The following MPRIP variants were observed in gnomAD, a reference collection of about 807,000 sequenced individuals.
MPRIP encodes the protein myosin phosphatase Rho interacting protein.
In MPRIP, 59 loss-of-function variants were observed where a neutral mutation model predicts 234.9. The observed-to-expected ratio is 0.25, with a 90% CI of 0.20 to 0.31. The LOEUF (loss-of-function observed/expected upper bound fraction) is 0.31, where lower values mean the gene tolerates loss of function less well. Ranked by LOEUF, MPRIP falls within the 10% of genes least tolerant of loss-of-function variation. MPRIP has a pLI of 1.00. For synonymous variants in MPRIP, 1,144 were observed against 1,263.9 expected (o/e 0.91, Z 2.01); for missense variants, 2,436 against 3,071.0 (o/e 0.79, Z 4.89).
At chr17:17,130,474 A>C (rs1307632659) in intron 4 of MPRIP, among the ~76,000 whole-genome samples, 12 of 151,184 alleles carry the variant, frequency 7.9e-5, no homozygotes, top group African/African-American at 2.9e-4. Context: ...AAATTAAAGA[A>C]ATACCTCTGG....
intron 12 of MPRIP, 44 bp from the exon 13 acceptor site, chr17:17,154,262 C>A: frequency 6.4e-7 from 1 of 1,568,166 alleles, no homozygotes; most frequent in Non-Finnish European, 8.8e-7. Context: ...GCAGCAGGCA[C>A]CCTAGGGGAC....
chr17:17,114,491 C>T (rs1469742190), intron 3 of MPRIP, among the ~76,000 whole-genome samples: 9 of 152,052 alleles, frequency 5.9e-5, no homozygotes, highest in Non-Finnish European at 1.2e-4. Flanking sequence ...TTGCTAAATC[C>T]AGTGTTACAG....
intron 1 of MPRIP, among the ~76,000 whole-genome samples, chr17:17,047,119 T>C (rs2088378150): frequency 6.6e-6 from 1 of 152,214 alleles, no homozygotes; most frequent in Non-Finnish European, 1.5e-5. Flanking sequence ...AGGCAGAGGT[T>C]GCATTGAGCC....
At chr17:17,068,343 T>A (rs1024632244) in intron 1 of MPRIP, among the ~76,000 whole-genome samples, 3 of 151,218 alleles carry the variant, frequency 2.0e-5, no homozygotes, top group Admixed American at 6.6e-5. Context: ...AGAGACGGGG[T>A]TTCTTCATGT....
chr17:17,111,955 G>C (rs1049021336), intron 3 of MPRIP, among the ~76,000 whole-genome samples: 1 of 152,090 alleles, frequency 6.6e-6, no homozygotes. Context: ...AAGGGCAACC[G>C]TCCAGGCCAG....
chr17:17,184,775 G>C, intron 23 of MPRIP, 48 bp from the exon 24 acceptor site: 2 of 1,445,924 alleles, frequency 1.4e-6, no homozygotes, highest in Non-Finnish European at 1.9e-6. Flanking sequence ...CCAGTGCAGG[G>C]GGTCTAACGG....
At chr17:17,152,037 G>A (rs2045613592) in intron 12 of MPRIP, among the ~76,000 whole-genome samples, 2 of 152,262 alleles carry the variant, frequency 1.3e-5, no homozygotes, top group Non-Finnish European at 2.9e-5. Flanking sequence ...GGAGACTGAA[G>A]TATAGACCCA....
At chr17:17,087,871 C>T (rs527763830) in intron 3 of MPRIP, among the ~76,000 whole-genome samples, 1 of 152,216 alleles carries the variant, frequency 6.6e-6, no homozygotes, top group African/African-American at 2.4e-5. Context: ...ATTTGGTGAC[C>T]TCAGGTGCCC....
Position 17,078,001 on chromosome 17 carries a change from T to C in MPRIP, c.202-10T>C. ...ATCCTCCTAACCACCCACCTTGTGC[T>C]CCGTTGCAGAAATGGCAGCGACGGT... On this transcript the variant is annotated splice_polypyrimidine_tract_variant and intron_variant, in intron 2 of 23. Transcript: ENST00000651222. The surrounding 1 kb of genome is among the most constrained non-coding windows in gnomAD (Gnocchi z 4.3). The C allele has an allele frequency of 6.2e-7, 1 of 1,614,042 alleles. No homozygotes were observed. The highest frequency in any genetic ancestry group is 8.5e-7 in the Non-Finnish European group (1 of 1,179,980).
intron 14 of MPRIP, among the ~76,000 whole-genome samples, chr17:17,159,734 T>TA (rs781394412): frequency 1.1e-4 from 17 of 152,232 alleles, no homozygotes; most frequent in Non-Finnish European, 1.9e-4. Context: ...GGTGTAGCGT[T>TA]ACAGTTTTTG....
chr17:17,075,268 T>A (rs4074611), intron 1 of MPRIP, among the ~76,000 whole-genome samples: 10,456 of 152,290 alleles, frequency 0.069, 503 homozygotes, highest in East Asian at 0.17. Flanking sequence ...CAGAGCTGGC[T>A]TTGATCACGA....
chr17:17,132,759 TG>T (rs201620385), intron 5 of MPRIP, among the ~76,000 whole-genome samples: 3,455 of 152,254 alleles, frequency 0.023, 105 homozygotes, highest in Middle Eastern at 0.085. Context: ...GGGAGGCAGG[TG>T]GGGGACACCC....
chr17:17,065,097 G>A (rs1377767621), intron 1 of MPRIP, among the ~76,000 whole-genome samples: 1 of 151,996 alleles, frequency 6.6e-6, no homozygotes, highest in Non-Finnish European at 1.5e-5. Context: ...AAGTCTTCTC[G>A]TGTCTTTTGC....
At chr17:17,095,807 C>T (rs935815729) in intron 3 of MPRIP, among the ~76,000 whole-genome samples, 1 of 152,170 alleles carries the variant, frequency 6.6e-6, no homozygotes, top group African/African-American at 2.4e-5. Context: ...CCCCTCTGCC[C>T]CCAGGCCCTG....
chr17:17,102,190 C>T lies in MPRIP; in HGVS notation c.267+24114C>T, dbSNP rs2089976311. ...GGCATGAGCCACCGCACCCAGCCTC[C>T]CTTCCTGTCTTTATGGGCCACTCCT... On this transcript the variant is annotated intron_variant, in intron 3 of 23. Coordinates refer to ENST00000651222, the MANE Select transcript of MPRIP (RefSeq NM_001364716.4). Among the ~76,000 whole-genome samples the T allele has an allele frequency of 1.3e-5, 2 of 152,188 alleles. 1 individual carries two copies. Among genetic ancestry groups the T allele is most frequent in the South Asian group, 4.1e-4 (2 of 4,830 alleles).
At chr17:17,058,657 G>T (rs1011017167) in intron 1 of MPRIP, among the ~76,000 whole-genome samples, 4 of 152,186 alleles carry the variant, frequency 2.6e-5, no homozygotes. Context: ...GCAGAGGTCC[G>T]CATTGTTGAG....
In MPRIP at chr17:17,177,405, C is replaced by T. The variant is rs148956989; in HGVS notation, c.7113C>T (p.Ser2371=). Reference sequence around the variant, plus strand: ...AGTCCCCTGACAGTGCCACGGTGTCCGGATATGGTGCGTCCTCGGGTCATG... The same window carrying T: ...AGTCCCCTGACAGTGCCACGGTGTCTGGATATGGTGCGTCCTCGGGTCATG... ...GEKSPDSATV[S]GYDIMKSKSN... Residue 2371 remains serine, a synonymous_variant, in exon 22 of 24, where the codon TCC becomes TCT. Transcript: ENST00000651222. 87 of 1,613,278 alleles carry T rather than the reference C, an allele frequency of 5.4e-5. No individual in the cohort carries two copies. The African/African-American group carries it at 7.5e-4, about 14-fold the overall frequency.
intron 1 of MPRIP, among the ~76,000 whole-genome samples, chr17:17,060,712 G>A (rs1421198225): frequency 1.3e-5 from 2 of 152,304 alleles, no homozygotes; most frequent in African/African-American, 2.4e-5. Context: ...TTCTCCCTCG[G>A]AGGCTTGGCT....
At chr17:17,172,991 G>A (rs1333686931) in intron 18 of MPRIP, among the ~76,000 whole-genome samples, 176 bp downstream of exon 18, 1 of 152,268 alleles carries the variant, frequency 6.6e-6, no homozygotes, top group Non-Finnish European at 1.5e-5. Flanking sequence ...TGGCCCAAGT[G>A]GGGCCTCCTT....
Sources: gnomAD v4.1 joint callset for allele counts (sites outside exome capture counted in the v4.1 genomes callset) on GRCh38, gnomAD v4.1.1 for gene constraint, Gnocchi (gnomAD v3.1) non-coding constraint, MANE v1.5 for transcripts, NCBI Gene and HGNC (gene_info 2026-07-23, HGNC 2026-07-21) for gene names.